The following TBC1D9 variants were observed in gnomAD, a reference collection of about 807,000 sequenced individuals.
The protein encoded by TBC1D9 is TBC1 domain family member 9A.
TBC1D9 carries 63 observed loss-of-function variants against 132.0 expected under a neutral mutation model. The ratio of observed to expected loss-of-function variants is 0.48; its 90% CI spans 0.39 to 0.59. The LOEUF (loss-of-function observed/expected upper bound fraction) is 0.59, where lower values mean the gene tolerates loss of function less well. TBC1D9 is among the 20% of genes least tolerant of loss of function. The pLI, the probability that TBC1D9 is intolerant of heterozygous loss-of-function variation, is 0.00. For synonymous variants in TBC1D9, 610 were observed against 609.9 expected, an observed-to-expected ratio of 1.00 and a Z score of 0.00; for missense variants, 1,261 against 1,592.7, an observed-to-expected ratio of 0.79 and a Z score of 3.54.
At chr4:140,647,084 T>A (rs978353492) in intron 13 of TBC1D9, among the ~76,000 whole-genome samples, 6 of 152,228 alleles carry the variant, frequency 3.9e-5, no homozygotes, top group African/African-American at 9.7e-5. Flanking sequence ...ACTGGATTTA[T>A]TACTTCAAAC....
chr4:140,650,741 G>A (rs1285472061), intron 13 of TBC1D9, among the ~76,000 whole-genome samples: 1 of 151,840 alleles, frequency 6.6e-6, no homozygotes, highest in Non-Finnish European at 1.5e-5. Context: ...TGCCACGTTG[G>A]CCAGGTTGGC....
At chr4:140,662,208 C>A in intron 9 of TBC1D9, 101 bp from the exon 10 acceptor site, 1 of 964,846 alleles carries the variant, frequency 1.0e-6, no homozygotes, top group South Asian at 1.4e-5. Context: ...TCCTACCTCT[C>A]AAAGGAAACT....
intron 2 of TBC1D9, among the ~76,000 whole-genome samples, chr4:140,697,001 A>G (rs1354017011): frequency 6.6e-6 from 1 of 152,208 alleles, no homozygotes; most frequent in East Asian, 1.9e-4. Flanking sequence ...AAAAATCTTA[A>G]GGGAGAAGCT....
At chr4:140,755,307 A>C (rs893518198) in intron 1 of TBC1D9, among the ~76,000 whole-genome samples, 11 of 152,258 alleles carry the variant, frequency 7.2e-5, no homozygotes, top group Non-Finnish European at 2.9e-5. Flanking sequence ...TTGAGCAAAA[A>C]TAGTTAAAAT....
intron 6 of TBC1D9, among the ~76,000 whole-genome samples, chr4:140,672,673 T>G (rs1327362841): frequency 6.6e-6 from 1 of 152,174 alleles, no homozygotes; most frequent in Non-Finnish European, 1.5e-5. Flanking sequence ...GCTTATAAAA[T>G]GTTTCTCACT....
chr4:140,675,091 A>T (rs987463544), intron 6 of TBC1D9, among the ~76,000 whole-genome samples: 1 of 152,156 alleles, frequency 6.6e-6, no homozygotes, highest in African/African-American at 2.4e-5. Context: ...AAAATTCCCT[A>T]TAAAGTGTTT....
At chr4:140,736,273 G>A (rs1738671396) in intron 1 of TBC1D9, among the ~76,000 whole-genome samples, 1 of 152,068 alleles carries the variant, frequency 6.6e-6, no homozygotes, top group South Asian at 2.1e-4. Flanking sequence ...GGACACGATG[G>A]CTCACATCTG....
chr4:140,745,318 A>G (rs1738821117), intron 1 of TBC1D9, among the ~76,000 whole-genome samples: 1 of 152,184 alleles, frequency 6.6e-6, no homozygotes, highest in Non-Finnish European at 1.5e-5. Context: ...ACCAATTATA[A>G]CATTAAGTTC....
intron 9 of TBC1D9, among the ~76,000 whole-genome samples, chr4:140,662,382 T>A (rs1737376184): frequency 1.3e-5 from 2 of 152,154 alleles, no homozygotes. Flanking sequence ...TCTGAGGAAC[T>A]CCCACAGACA....
intron 2 of TBC1D9, among the ~76,000 whole-genome samples, chr4:140,694,037 T>A (rs1737914643): frequency 6.6e-6 from 1 of 152,200 alleles, no homozygotes; most frequent in African/African-American, 2.4e-5. Context: ...ATTACATGCA[T>A]ATCCTTTTTT....
chr4:140,738,487 C>T (rs953622532), intron 1 of TBC1D9, among the ~76,000 whole-genome samples: 1 of 152,156 alleles, frequency 6.6e-6, no homozygotes, highest in Admixed American at 6.5e-5. Context: ...TGCTCTTTCC[C>T]CTTTAAATAT....
chr4:140,745,457 C>A (rs1469126740), intron 1 of TBC1D9, among the ~76,000 whole-genome samples: 2 of 152,198 alleles, frequency 1.3e-5, no homozygotes, highest in Admixed American at 6.5e-5. Flanking sequence ...GACAGCAATA[C>A]CAATCCCTCC....
chr4:140,640,447 T>TGGGGGGGGGGGGGG (rs55770281), intron 13 of TBC1D9, among the ~76,000 whole-genome samples: 42 of 107,908 alleles, frequency 3.9e-4, no homozygotes, highest in African/African-American at 5.1e-4. Flanking sequence ...GGTGGTGGGG[T>TGGGGGGGGGGGGGG]GGGGGGGGGA....
chr4:140,698,998 C>G lies in TBC1D9; in HGVS notation c.241+2506G>C, dbSNP rs1006733060. Among the ~76,000 whole-genome samples, 10 of 152,288 alleles carry G rather than the reference C, an allele frequency of 6.6e-5. No homozygotes were observed. In the East Asian group the frequency reaches 1.7e-3, roughly 26 times the overall value. The stretch of plus-strand genomic sequence containing the variant: ...TATCCTCACTAGACTGTACGTTTCT[C>G]AAGAGCAGAGACCAAATATAATTGT... On this transcript the variant is annotated intron_variant, in intron 2 of 20. Transcript: ENST00000442267.
At chr4:140,692,058 C>T (rs962144444) in intron 2 of TBC1D9, among the ~76,000 whole-genome samples, 14 of 152,172 alleles carry the variant, frequency 9.2e-5, no homozygotes, top group African/African-American at 2.9e-4. Context: ...AGGAATAATA[C>T]ATTTTGTTTC....
chr4:140,705,187 A>G (rs1364882746), intron 1 of TBC1D9, among the ~76,000 whole-genome samples: 1 of 152,208 alleles, frequency 6.6e-6, no homozygotes, highest in Non-Finnish European at 1.5e-5. Flanking sequence ...TCATGCCTGG[A>G]TAACACTGAT....
chr4:140,679,590 C>T, intron 4 of TBC1D9, 25 bp downstream of exon 4: 1 of 1,576,032 alleles, frequency 6.3e-7, no homozygotes, highest in South Asian at 1.1e-5. Context: ...TCCAAAGTTT[C>T]CTGCTGAAAT....
intron 1 of TBC1D9, among the ~76,000 whole-genome samples, chr4:140,711,337 GA>G (rs1560892959): frequency 6.6e-6 from 1 of 152,200 alleles, no homozygotes; most frequent in African/African-American, 2.4e-5. Flanking sequence ...AGGTAGGAAG[GA>G]GGGGCCTTTT....
At chr4:140,741,675 G>T (rs1184887825) in intron 1 of TBC1D9, among the ~76,000 whole-genome samples, 1 of 152,172 alleles carries the variant, frequency 6.6e-6, no homozygotes, top group Admixed American at 6.5e-5. Flanking sequence ...CAGAGATCAT[G>T]CCAATGCACT....
Sources: allele counts gnomAD v4.1 joint callset (sites outside exome capture counted in the v4.1 genomes callset), GRCh38; gene constraint gnomAD v4.1.1; transcripts MANE v1.5; gene names NCBI Gene and HGNC (gene_info 2026-07-23, HGNC 2026-07-21).